RTL4: variants seen among roughly 807,000 people sequenced by gnomAD.
RTL4 encodes the protein retrotransposon Gag like 4, also known as retrotransposon Gag-like protein 4.
A neutral mutation model predicts 5.3 loss-of-function variants in RTL4; 4 were observed. The ratio of observed to expected loss-of-function variants is 0.75; its 90% CI spans 0.37 to 1.72. The LOEUF (loss-of-function observed/expected upper bound fraction) is 1.72, where lower values mean the gene tolerates loss of function less well. Ranked by LOEUF, RTL4 falls within the 40% of genes most tolerant of loss-of-function variation. The pLI is 0.04. For missense variants in RTL4, 260 were observed against 227.1 expected (o/e 1.14, Z -0.93); for synonymous variants, 98 against 87.3 (o/e 1.12, Z -0.68).
At chrX:112,361,327 C>A in the RTL4 span, among the ~76,000 whole-genome samples, 1 of 111,421 alleles carries the variant, frequency 9.0e-6, no homozygotes, top group Non-Finnish European at 1.9e-5. Context: ...TCTCTCTACT[C>A]CTATTCCTGT....
the RTL4 span, among the ~76,000 whole-genome samples, chrX:112,116,350 G>A: frequency 9.0e-6 from 1 of 111,090 alleles, no homozygotes; most frequent in Non-Finnish European, 1.9e-5. Context: ...CGCAGTGAGT[G>A]TTACAGCTCT....
the RTL4 span, among the ~76,000 whole-genome samples, chrX:112,117,660 C>G: frequency 9.0e-6 from 1 of 110,934 alleles, no homozygotes; most frequent in African/African-American, 3.3e-5. Flanking sequence ...AGACAACAGG[C>G]TAAAGAGAAC....
the RTL4 span, among the ~76,000 whole-genome samples, chrX:112,097,655 T>G: frequency 1.8e-5 from 2 of 111,041 alleles, no homozygotes; most frequent in South Asian, 7.8e-4. Flanking sequence ...GCCAACAAAG[T>G]ATAATGTCTG....
chrX:112,278,828 C>CA, the RTL4 span, among the ~76,000 whole-genome samples: 923 of 107,403 alleles, frequency 8.6e-3, 13 homozygotes, highest in African/African-American at 0.029. Flanking sequence ...TTCCTCCTCC[C>CA]AAAAAAAAAG....
the RTL4 span, among the ~76,000 whole-genome samples, chrX:112,243,413 G>A: frequency 9.0e-6 from 1 of 111,161 alleles, no homozygotes; most frequent in Non-Finnish European, 1.9e-5. Context: ...CTTCTTCCTG[G>A]TTTAGCCTTG....
chrX:112,154,363 C>T, the RTL4 span, among the ~76,000 whole-genome samples: 3 of 111,866 alleles, frequency 2.7e-5, no homozygotes, highest in Non-Finnish European at 5.7e-5. Context: ...TTCTACTGAT[C>T]GCTTCTTTCA....
chrX:112,443,342 A>C, the RTL4 span, among the ~76,000 whole-genome samples: 1 of 111,136 alleles, frequency 9.0e-6, no homozygotes. Flanking sequence ...GTTCATGGAC[A>C]CTTAGCTTGC....
chrX:112,163,210 C>A, the RTL4 span, among the ~76,000 whole-genome samples: 24 of 111,737 alleles, frequency 2.1e-4, no homozygotes, highest in South Asian at 8.8e-3. Flanking sequence ...GCCCGAAAAC[C>A]TGTATTTGAA....
chrX:112,327,626 C>T, the RTL4 span, among the ~76,000 whole-genome samples: 3 of 109,149 alleles, frequency 2.7e-5, no homozygotes, highest in East Asian at 5.7e-4. Context: ...GCAAGGCAGG[C>T]CAACATTCAG....
At chrX:112,109,719 C>T in the RTL4 span, among the ~76,000 whole-genome samples, 3 of 111,424 alleles carry the variant, frequency 2.7e-5, no homozygotes, top group Non-Finnish European at 5.7e-5. Flanking sequence ...AAGTCCCCAC[C>T]CAACCCAGAA....
chrX:112,379,940 A>G, the RTL4 span, among the ~76,000 whole-genome samples: 1 of 111,357 alleles, frequency 9.0e-6, no homozygotes, highest in Admixed American at 9.5e-5. Flanking sequence ...GATAAAGAAC[A>G]ATTCAATCAC....
the RTL4 span, among the ~76,000 whole-genome samples, chrX:112,421,521 G>A: frequency 3.6e-5 from 4 of 111,850 alleles, no homozygotes; most frequent in Non-Finnish European, 5.6e-5. Context: ...TGTGGACAAC[G>A]TAAATGATAC....
the RTL4 span, among the ~76,000 whole-genome samples, chrX:112,388,508 T>G: frequency 8.9e-6 from 1 of 112,412 alleles, no homozygotes; most frequent in Non-Finnish European, 1.9e-5. Flanking sequence ...AGGGAAATGC[T>G]TCCAGTTTTT....
the RTL4 span, among the ~76,000 whole-genome samples, chrX:112,358,172 C>A: frequency 8.1e-5 from 9 of 110,734 alleles, no homozygotes; most frequent in African/African-American, 3.0e-4. Context: ...ATGATCACAG[C>A]TGACTGCAGA....
At chrX:112,338,339 C>A in the RTL4 span, among the ~76,000 whole-genome samples, 2 of 111,675 alleles carry the variant, frequency 1.8e-5, no homozygotes, top group African/African-American at 6.5e-5. Context: ...CTCCTGCTCC[C>A]AAAATTTAAT....
the RTL4 span, among the ~76,000 whole-genome samples, chrX:112,321,622 A>G: frequency 8.9e-6 from 1 of 111,769 alleles, no homozygotes; most frequent in Non-Finnish European, 1.9e-5. Context: ...AATAAAACTA[A>G]ATGTTTGAAT....
the RTL4 span, among the ~76,000 whole-genome samples, chrX:112,235,136 G>T: frequency 1.8e-5 from 2 of 111,736 alleles, no homozygotes; most frequent in Non-Finnish European, 3.8e-5. Context: ...TGCCACAGAT[G>T]GTATCAAACT....
chrX:112,117,961 G>C, the RTL4 span, among the ~76,000 whole-genome samples: 3 of 110,890 alleles, frequency 2.7e-5, no homozygotes, highest in African/African-American at 9.8e-5. Flanking sequence ...GGACTGTCTA[G>C]GCAAATTATG....
chrX:112,241,839 T>G, the RTL4 span, among the ~76,000 whole-genome samples: 774 of 112,398 alleles, frequency 6.9e-3, 3 homozygotes, highest in Non-Finnish European at 9.8e-3. Context: ...GTCTAACATT[T>G]AAGTCTTTAA....
Sources: allele counts gnomAD v4.1 joint callset (sites outside exome capture counted in the v4.1 genomes callset), GRCh38; gene constraint gnomAD v4.1.1; transcripts MANE v1.5; gene names NCBI Gene and HGNC (gene_info 2026-07-23, HGNC 2026-07-21).